SNTG2: variants seen among roughly 807,000 people sequenced by gnomAD.
SNTG2 encodes the protein syntrophin gamma 2.
A neutral mutation model predicts 70.9 loss-of-function variants in SNTG2; 74 were observed. That is an observed-to-expected ratio of 1.04 (90% CI 0.86 to 1.27). The LOEUF (loss-of-function observed/expected upper bound fraction) is 1.27, where lower values mean the gene tolerates loss of function less well. Among genes scored for constraint, SNTG2 ranks in the 50% most tolerant of loss-of-function variants. The pLI is 0.00. For synonymous variants in SNTG2, 278 were observed against 273.8 expected (o/e 1.02, Z -0.15); for missense variants, 717 against 690.7 (o/e 1.04, Z -0.43).
At chr2:1,174,869 A>C (rs865910314) in intron 8 of SNTG2, among the ~76,000 whole-genome samples, 5 of 152,112 alleles carry the variant, frequency 3.3e-5, no homozygotes, top group Admixed American at 1.3e-4. Context: ...TTTACTGTTA[A>C]GGTGATCTTT....
At chr2:1,139,936 C>T (rs1572542544) in intron 6 of SNTG2, among the ~76,000 whole-genome samples, 1 of 151,848 alleles carries the variant, frequency 6.6e-6, no homozygotes, top group Middle Eastern at 3.5e-3. Flanking sequence ...CCAGACTGAT[C>T]ATATCATATG....
intron 16 of SNTG2, among the ~76,000 whole-genome samples, chr2:1,364,015 G>A (rs1370103727): frequency 6.6e-6 from 1 of 152,108 alleles, no homozygotes; most frequent in Non-Finnish European, 1.5e-5. Flanking sequence ...TTGTTGCCCA[G>A]GCTGGAGTGC....
At chr2:1,361,251 A>G (rs1345511756) in intron 16 of SNTG2, among the ~76,000 whole-genome samples, 1 of 152,190 alleles carries the variant, frequency 6.6e-6, no homozygotes, top group African/African-American at 2.4e-5. Context: ...CTCCACCAAC[A>G]ATAAGAAAAT....
At chr2:1,277,857 C>G (rs1380115142) in intron 14 of SNTG2, among the ~76,000 whole-genome samples, 1 of 152,190 alleles carries the variant, frequency 6.6e-6, no homozygotes, top group East Asian at 1.9e-4. Context: ...GCCTCATAGA[C>G]AAGCTCCATG....
At chr2:1,348,292 A>C (rs1442200950) in intron 16 of SNTG2, among the ~76,000 whole-genome samples, 1 of 152,254 alleles carries the variant, frequency 6.6e-6, no homozygotes, top group Non-Finnish European at 1.5e-5. Context: ...ATTTCTTAAA[A>C]TTTAACCTGA....
At chr2:1,006,106 G>A (rs972334210) in intron 1 of SNTG2, among the ~76,000 whole-genome samples, 4 of 145,210 alleles carry the variant, frequency 2.8e-5, no homozygotes, top group African/African-American at 1.0e-4. Flanking sequence ...CTCATAGGTG[G>A]GAATTGAACA....
At chr2:1,040,177 C>T (rs1661354493) in intron 1 of SNTG2, among the ~76,000 whole-genome samples, 1 of 152,210 alleles carries the variant, frequency 6.6e-6, no homozygotes, top group African/African-American at 2.4e-5. Context: ...TTGTTGTTAA[C>T]TTGCCTGTCC....
chr2:1,199,537 A>T (rs1331001548), intron 8 of SNTG2, among the ~76,000 whole-genome samples: 1 of 152,104 alleles, frequency 6.6e-6, no homozygotes, highest in African/African-American at 2.4e-5. Context: ...GAAGCAGGAG[A>T]AAGAAACAAA....
chr2:1,139,141 G>A (rs1668586097), intron 6 of SNTG2, among the ~76,000 whole-genome samples: 2 of 152,224 alleles, frequency 1.3e-5, no homozygotes, highest in African/African-American at 4.8e-5. Context: ...ACAATTGATA[G>A]AGAGGCAAGA....
intron 16 of SNTG2, among the ~76,000 whole-genome samples, chr2:1,322,665 C>G (rs1247307192): frequency 6.6e-6 from 1 of 151,984 alleles, no homozygotes; most frequent in Non-Finnish European, 1.5e-5. Context: ...CTCCTTCTAC[C>G]CTTCTGGTGC....
In SNTG2 at chr2:1,137,395, G is replaced by C. The variant is rs142281656; in HGVS notation, c.326-227G>C. ...TCAACAGATCCACACACTCAGACTC[G>C]CAAATACCCATGCATGCCACCCACA... On this transcript the variant is annotated intron_variant, in intron 4 of 16. Coordinates refer to ENST00000308624, the MANE Select transcript of SNTG2 (RefSeq NM_018968.4). 1.2e-3 allele frequency among the ~76,000 whole-genome samples: 175 copies of C among 150,806 alleles called. 1 individual carries two copies. The highest frequency in any genetic ancestry group is 4.1e-3 in the African/African-American group (169 of 40,962).
At chr2:1,178,055 A>T (rs1305131947) in intron 8 of SNTG2, among the ~76,000 whole-genome samples, 1 of 152,172 alleles carries the variant, frequency 6.6e-6, no homozygotes, top group Non-Finnish European at 1.5e-5. Flanking sequence ...AAATACATAG[A>T]TGAAAATTTT....
At chr2:1,254,082 G>C (rs1558600367) in intron 12 of SNTG2, among the ~76,000 whole-genome samples, 1 of 152,142 alleles carries the variant, frequency 6.6e-6, no homozygotes, top group African/African-American at 2.4e-5. Context: ...CCAACAGTGA[G>C]GATTATAATT....
intron 6 of SNTG2, among the ~76,000 whole-genome samples, chr2:1,154,236 C>T (rs1424395313): frequency 6.6e-6 from 1 of 151,942 alleles, no homozygotes; most frequent in African/African-American, 2.4e-5. Flanking sequence ...TAGGGACCAC[C>T]AGAGGCACTG....
chr2:1,223,571 A>T (rs1675516511), intron 9 of SNTG2, among the ~76,000 whole-genome samples: 1 of 152,046 alleles, frequency 6.6e-6, no homozygotes, highest in Non-Finnish European at 1.5e-5. Context: ...ATTTCCTGGC[A>T]CCCTCCCCAT....
At chr2:1,008,085 T>C (rs866753163) in intron 1 of SNTG2, among the ~76,000 whole-genome samples, 2 of 152,250 alleles carry the variant, frequency 1.3e-5, no homozygotes, top group African/African-American at 4.8e-5. Context: ...TTGTTATTTC[T>C]TGGCCTTACT....
intron 1 of SNTG2, among the ~76,000 whole-genome samples, chr2:991,148 G>C (rs1037817594): frequency 6.6e-6 from 1 of 152,070 alleles, no homozygotes; most frequent in Non-Finnish European, 1.5e-5. Flanking sequence ...AGATGATTTA[G>C]TACCAGAGAC....
intron 9 of SNTG2, among the ~76,000 whole-genome samples, chr2:1,212,186 A>G (rs1674091255): frequency 6.6e-6 from 1 of 151,920 alleles, no homozygotes; most frequent in South Asian, 2.1e-4. Flanking sequence ...GGTTAGCAAA[A>G]TCTCCCTTGG....
chr2:1,366,210 G>T (rs370437498), intron 16 of SNTG2, among the ~76,000 whole-genome samples: 195 of 152,256 alleles, frequency 1.3e-3, no homozygotes, highest in African/African-American at 4.6e-3. Flanking sequence ...ATTGAATTTT[G>T]TTATGCAAAC....
Sources: gnomAD v4.1 joint callset for allele counts (sites outside exome capture counted in the v4.1 genomes callset) on GRCh38, gnomAD v4.1.1 for gene constraint, MANE v1.5 for transcripts, NCBI Gene and HGNC (gene_info 2026-07-23, HGNC 2026-07-21) for gene names.